The following EPS8L2 variants were observed in gnomAD, a reference collection of about 807,000 sequenced individuals.
EPS8L2 encodes epidermal growth factor receptor kinase substrate 8-like protein 2.
Under a neutral mutation model 99.4 loss-of-function variants are expected in EPS8L2, and 81 were observed. The observed-to-expected ratio is 0.82, with a 90% CI of 0.68 to 0.98. The LOEUF (loss-of-function observed/expected upper bound fraction) is 0.98. EPS8L2 is among the 50% of genes least tolerant of loss of function. The pLI is 0.00. For missense variants in EPS8L2, 1,155 were observed against 968.8 expected, an observed-to-expected ratio of 1.19 and a Z score of -2.55; for synonymous variants, 509 against 407.3, an observed-to-expected ratio of 1.25 and a Z score of -3.01.
chr11:718,919 C>T (rs1290212099), intron 4 of EPS8L2, among the ~76,000 whole-genome samples: 1 of 150,738 alleles, frequency 6.6e-6, no homozygotes, highest in African/African-American at 2.4e-5. Flanking sequence ...CCACCCGCCT[C>T]GGCCTCCCAA....
rs760650297 is a variant in EPS8L2 at position 725,838 on chromosome 11, G to A, written c.1671G>A (p.Pro557=). The A allele has an allele frequency of 7.2e-7, 1 of 1,383,148 alleles. No homozygotes were observed. Among genetic ancestry groups the A allele is most frequent in the South Asian group, 1.8e-5 (1 of 55,176 alleles). 85.7% of individuals were successfully genotyped at this position (1,383,148 alleles called of 1,614,324 possible). The change falls in exon 17 of 21, where the codon CCG becomes CCA. Residue 557 remains proline, a synonymous_variant. Transcript: ENST00000318562. Reference sequence around the variant, plus strand: ...CGCGACCGGAGGACGCCGGCGCCCCGTTCGAGCAGGTGAGCCCGCGGGGGT... The same window carrying A: ...CGCGACCGGAGGACGCCGGCGCCCCATTCGAGCAGGTGAGCCCGCGGGGGT... ...GEARPEDAGA[P]FEQAGQKYWG...
chr11:722,332 G>C, intron 12 of EPS8L2, 69 bp from the exon 13 acceptor site: 1 of 1,581,190 alleles, frequency 6.3e-7, no homozygotes, highest in Non-Finnish European at 8.6e-7. Flanking sequence ...GGGCCAGCCT[G>C]TGGAGCTACG....
chr11:726,339 C>A lies in EPS8L2; in HGVS notation c.1789C>A (p.Leu597Ile). ...GCACATGGACGAGGTCAACGACGAGCTCATCCGGAAAATCAGCAACATCAG... is the reference window on the plus strand; with the variant it reads ...GCACATGGACGAGGTCAACGACGAGATCATCCGGAAAATCAGCAACATCAG... ...MQHMDEVNDE[L>I]IRKISNIRAQ... The change falls in exon 19 of 21, where the codon CTC becomes ATC. Residue 597 changes from leucine to isoleucine, a missense_variant. By Grantham distance (5) the Leu-to-Ile change is conservative. Coordinates refer to ENST00000318562, the MANE Select transcript of EPS8L2 (RefSeq NM_022772.4). 6.2e-7 allele frequency: 1 copy of A among 1,610,814 alleles called. No individual in the cohort carries two copies. Among genetic ancestry groups the A allele is most frequent in the Non-Finnish European group, 8.5e-7 (1 of 1,179,218 alleles).
Position 724,847 on chromosome 11 carries a change from G to T in EPS8L2, c.1560+18G>T, listed in dbSNP as rs1429587559. 1.9e-6 allele frequency: 3 copies of T among 1,582,364 alleles called. No homozygotes were observed. The African/African-American group carries it at 4.0e-5, about 21-fold the overall frequency. On this transcript the variant is annotated intron_variant, in intron 16 of 20. Coordinates refer to ENST00000318562, the MANE Select transcript of EPS8L2 (RefSeq NM_022772.4). This position sits in a 1 kb window ranked among gnomAD's most constrained non-coding sequence, Gnocchi z 5.5. ...TCCTAGAGGTGAGGGGCTGGAGGAC[G>T]GGGTCCAAGAGGGGGAAACAGGGCA...
chr11:721,231 T>C lies in EPS8L2; in HGVS notation c.700+25T>C, dbSNP rs1268010136. ...GGTGGGCCGAGGGGCTGGAGGGGGCTCCACAGGGCTCGTTGTGGGGGGCTC... is the reference window on the plus strand; with the variant it reads ...GGTGGGCCGAGGGGCTGGAGGGGGCCCCACAGGGCTCGTTGTGGGGGGCTC... On this transcript the variant is annotated intron_variant, in intron 8 of 20. Transcript: ENST00000318562. 2.0e-6 allele frequency: 3 copies of C among 1,533,520 alleles called. No homozygotes were observed. In the Admixed American group the frequency reaches 6.0e-5, roughly 31 times the overall value. 95.0% of individuals were successfully genotyped at this position (1,533,520 alleles called of 1,614,324 possible). A position where few individuals can be genotyped will look rare whatever the true frequency, so the allele number is the denominator to read the frequency against.
At position 721,271 on chromosome 11, in the gene EPS8L2, G is replaced by A. The variant is rs921493585; in HGVS notation, c.701-14G>A. 12 of 1,539,438 alleles carry A rather than the reference G, an allele frequency of 7.8e-6. No individual in the cohort carries two copies. In the Admixed American group the frequency reaches 1.4e-4, roughly 18 times the overall value. On this transcript the variant is annotated splice_polypyrimidine_tract_variant and intron_variant, in intron 8 of 20. Coordinates refer to ENST00000318562, the MANE Select transcript of EPS8L2 (RefSeq NM_022772.4). Reference sequence around the variant, plus strand: ...GTGGGGGGCTCGGTGAGCAGCCGCCGTGTCCCCCATCAGGTTTCCGCCGTC... The same window carrying A: ...GTGGGGGGCTCGGTGAGCAGCCGCCATGTCCCCCATCAGGTTTCCGCCGTC...
At position 713,526 on chromosome 11, in the gene EPS8L2, C is replaced by T. The variant is rs181845536; in HGVS notation, c.165+3040C>T. ...CCTCCTGAGTAGCTGGGACTACAGG[C>T]GCCCGCCACCACGCCTGGCTAAATT... On this transcript the variant is annotated intron_variant, in intron 4 of 20. Transcript: ENST00000318562. Among the ~76,000 whole-genome samples, 174 of 152,258 alleles carry T rather than the reference C, an allele frequency of 1.1e-3. 2 individuals carry two copies. The highest frequency in any genetic ancestry group is 7.7e-3 in the East Asian group (40 of 5,174).
chr11:727,082 G>C lies in EPS8L2; in HGVS notation c.*101G>C, dbSNP rs1396856471. 2.3e-6 allele frequency: 2 copies of C among 867,414 alleles called. No individual in the cohort carries two copies. Among genetic ancestry groups the C allele is most frequent in the Non-Finnish European group, 3.6e-6 (2 of 549,254 alleles). 53.7% of individuals were successfully genotyped at this position (867,414 alleles called of 1,614,324 possible). A position where few individuals can be genotyped will look rare whatever the true frequency, so the allele number is the denominator to read the frequency against. ...ATGTATTTTGTATCAAGGACACGGAGGGGGTGTGGTGCTGGCTAGAGGTCC... is the reference window on the plus strand; with the variant it reads ...ATGTATTTTGTATCAAGGACACGGACGGGGTGTGGTGCTGGCTAGAGGTCC... On this transcript the variant is annotated 3_prime_UTR_variant, in exon 21 of 21. Coordinates refer to ENST00000318562, the MANE Select transcript of EPS8L2 (RefSeq NM_022772.4).
Position 710,500 on chromosome 11 carries a change from C to T in EPS8L2, c.165+14C>T. The T allele has an allele frequency of 6.2e-7, 1 of 1,612,502 alleles. No homozygotes were observed. Among genetic ancestry groups the T allele is most frequent in the Non-Finnish European group, 8.5e-7 (1 of 1,178,920 alleles). ...TACCACGTCCAGGTAAGGCCCCGCC[C>T]CCAGGTAGGCTCCGCCCCCAGGGAG... On this transcript the variant is annotated intron_variant, in intron 4 of 20. Transcript: ENST00000318562.
At chr11:715,613 CTTTTGTT>C (rs928613333) in intron 4 of EPS8L2, among the ~76,000 whole-genome samples, 10 of 137,262 alleles carry the variant, frequency 7.3e-5, no homozygotes, top group African/African-American at 2.7e-4. Context: ...TTATCTTTTT[CTTTTGTT>C]TTTTTTTTTT....
chr11:726,710 C>A lies in EPS8L2; in HGVS notation c.2026C>A (p.Arg676Ser). ...GAAAGTGTGCGGCGAGGAGGGCGTCCGCGTGTACAGCCAGCTCACCATGCA... is the reference window on the plus strand; with the variant it reads ...GAAAGTGTGCGGCGAGGAGGGCGTCAGCGTGTACAGCCAGCTCACCATGCA... ...LKKVCGEEGV[R>S]VYSQLTMQKA... The change falls in exon 20 of 21, where the codon CGC (arginine) becomes AGC (serine). Residue 676 changes from arginine to serine, a missense_variant. Arg to Ser is a moderately radical substitution (Grantham distance 110). Transcript: ENST00000318562. 2 of 1,592,334 alleles carry A rather than the reference C, an allele frequency of 1.3e-6. No homozygotes were observed. The highest frequency in any genetic ancestry group is 1.7e-6 in the Non-Finnish European group (2 of 1,171,208).
At position 723,268 on chromosome 11, in the gene EPS8L2, A is replaced by C; in HGVS notation, c.1369A>C (p.Arg457=). Residue 457 remains arginine, a synonymous_variant, in exon 15 of 21, where the codon AGA becomes CGA. Coordinates refer to ENST00000318562, the MANE Select transcript of EPS8L2 (RefSeq NM_022772.4). ...EVSPVSRQSI[R]NSQKHSPTSE... is the part of the protein sequence containing the mutation. Reference sequence around the variant, plus strand: ...GAGTCCAGTGAGCCGACAGTCCATAAGAAACTCCCAGAAGCACAGCCCCAC... The same window carrying C: ...GAGTCCAGTGAGCCGACAGTCCATACGAAACTCCCAGAAGCACAGCCCCAC... 1 of 1,606,770 alleles carries C rather than the reference A, an allele frequency of 6.2e-7. No homozygotes were observed. The highest frequency in any genetic ancestry group is 8.5e-7 in the Non-Finnish European group (1 of 1,177,702).
intron 16 of EPS8L2, 46 bp from the exon 17 acceptor site, chr11:725,682 C>T (rs1862293266): frequency 7.7e-7 from 1 of 1,293,332 alleles, no homozygotes; most frequent in Non-Finnish European, 9.8e-7. Context: ...TGGTCCCAGC[C>T]CCGCAGAGCC....
intron 1 of EPS8L2, among the ~76,000 whole-genome samples, chr11:707,934 C>T (rs766277680): frequency 3.3e-5 from 5 of 152,132 alleles, no homozygotes; most frequent in Non-Finnish European, 7.4e-5. Flanking sequence ...CCACTGAGCC[C>T]GTGAACATTC....
Position 724,509 on chromosome 11 carries a change from G to A in EPS8L2, c.1455-215G>A. ...GGCCCCTGCGCCACGCCCACCTCCT[G>A]CCTGCCCCGCCTCCACGCAGGGCCC... On this transcript the variant is annotated intron_variant, in intron 15 of 20. Transcript: ENST00000318562. The surrounding 1 kb of genome is among the most constrained non-coding windows in gnomAD (Gnocchi z 5.5). The A allele has an allele frequency of 1.7e-6, 1 of 576,744 alleles. No individual in the cohort carries two copies. Among genetic ancestry groups the A allele is most frequent in the Non-Finnish European group, 3.1e-6 (1 of 322,100 alleles). 35.7% of individuals were successfully genotyped at this position (576,744 alleles called of 1,614,324 possible). A position where few individuals can be genotyped will look rare whatever the true frequency, so the allele number is the denominator to read the frequency against.
intron 4 of EPS8L2, among the ~76,000 whole-genome samples, chr11:715,613 C>CTTTTTTTTTTT (rs1862000874): frequency 7.3e-6 from 1 of 137,262 alleles, no homozygotes; most frequent in African/African-American, 2.7e-5. Context: ...TTATCTTTTT[C>CTTTTTTTTTTT]TTTTGTTTTT....
Position 722,537 on chromosome 11 carries a change from G to C in EPS8L2, c.1196G>C (p.Trp399Ser), listed in dbSNP as rs141743910. 8 of 1,613,076 alleles carry C rather than the reference G, an allele frequency of 5.0e-6. No individual in the cohort carries two copies. The highest frequency in any genetic ancestry group is 6.8e-6 in the Non-Finnish European group (8 of 1,179,876). Residue 399 changes from tryptophan (W) to serine (S), a missense_variant, in exon 13 of 21, where the codon TGG becomes TCG. Trp to Ser is a radical substitution (Grantham distance 177, BLOSUM62 -3). Coordinates refer to ENST00000318562, the MANE Select transcript of EPS8L2 (RefSeq NM_022772.4). ...MSLWESLGES[W>S]MRPRSEWPRE... Reference sequence around the variant, plus strand: ...CTGTGGGAGTCACTGGGAGAGAGCTGGATGCGGCCCCGGTAGGGCAGGGCA... The same window carrying C: ...CTGTGGGAGTCACTGGGAGAGAGCTCGATGCGGCCCCGGTAGGGCAGGGCA...
At chr11:720,285 C>T in intron 5 of EPS8L2, 62 bp downstream of exon 5, 1 of 1,565,466 alleles carries the variant, frequency 6.4e-7, no homozygotes, top group South Asian at 1.1e-5. Flanking sequence ...CAGCCACCGG[C>T]TGCAGCCCGG....
intron 1 of EPS8L2, among the ~76,000 whole-genome samples, chr11:707,740 C>A (rs566223057): frequency 6.6e-6 from 1 of 152,254 alleles, no homozygotes; most frequent in East Asian, 1.9e-4. Flanking sequence ...TGCAGGCAAC[C>A]GAAGGCCAGG....
Sources: gnomAD v4.1 joint callset for allele counts (sites outside exome capture counted in the v4.1 genomes callset) on GRCh38, gnomAD v4.1.1 for gene constraint, Gnocchi (gnomAD v3.1) non-coding constraint, MANE v1.5 for transcripts, NCBI Gene and HGNC (gene_info 2026-07-23, HGNC 2026-07-21) for gene names.